Variants in SBF1 observed in about 807,000 individuals in gnomAD.
SBF1 encodes the protein SET binding factor 1.
Under a neutral mutation model 215.8 loss-of-function variants are expected in SBF1, and 65 were observed. The observed-to-expected ratio is 0.30, with a 90% confidence interval of 0.25 to 0.37. SBF1 has a LOEUF of 0.37. Among genes scored for constraint, SBF1 ranks in the 10% least tolerant of loss-of-function variants. The pLI is 1.00. For missense variants in SBF1, 2,634 were observed against 2,667.8 expected (o/e 0.99, Z 0.28); for synonymous variants, 1,410 against 1,122.8 (o/e 1.26, Z -5.11).
intron 5 of SBF1, chr22:50,467,124 T>C (rs1603434211): frequency 6.8e-6 from 4 of 586,376 alleles, no homozygotes; most frequent in Admixed American, 3.1e-5. Flanking sequence ...ATCAAAGGAG[T>C]GGACAGAGAG....
At position 50,466,274 on chromosome 22, in the gene SBF1, A is replaced by G. The variant is rs1361076684; in HGVS notation, c.789-16T>C. The G allele has an allele frequency of 1.2e-6, 2 of 1,613,332 alleles. No individual in the cohort carries two copies. The highest frequency in any genetic ancestry group is 1.7e-6 in the Non-Finnish European group (2 of 1,179,926). On this transcript the variant is annotated splice_polypyrimidine_tract_variant and intron_variant, in intron 7 of 40. Transcript: ENST00000380817. ...ATAGGTGAAGCTGTGCAGGCCCCAGAGGATGCAGTGAGCCAGGGGACGCGG... is the reference window on the plus strand; with the variant it reads ...ATAGGTGAAGCTGTGCAGGCCCCAGGGGATGCAGTGAGCCAGGGGACGCGG...
chr22:50,451,374 G>C (rs533723271), intron 36 of SBF1, among the ~76,000 whole-genome samples: 6 of 152,086 alleles, frequency 3.9e-5, no homozygotes, highest in Admixed American at 6.6e-5. Flanking sequence ...CATTTGATGG[G>C]CTTCAGTATA....
Position 50,446,979 on chromosome 22 carries a change from C to T in SBF1, c.*163G>A, listed in dbSNP as rs373336150. On this transcript the variant is annotated 3_prime_UTR_variant, in exon 41 of 41. Coordinates refer to ENST00000380817, the MANE Select transcript of SBF1 (RefSeq NM_002972.4). ...GACGCCAAAATAAGTTAGGGCCGGC[C>T]GGGCGGGGCGGGGCGGGGACGGGGG... 3.5e-5 allele frequency: 25 copies of T among 720,716 alleles called. No individual in the cohort carries two copies. The highest frequency in any genetic ancestry group is 1.7e-4 in the East Asian group (6 of 36,272). 44.6% of individuals were successfully genotyped at this position (720,716 alleles called of 1,614,324 possible). A position where few individuals can be genotyped will look rare whatever the true frequency, so the allele number is the denominator to read the frequency against.
chr22:50,447,451 C>T lies in SBF1; in HGVS notation c.5454G>A (p.Leu1818=). Residue 1818 remains leucine (L), a splice_region_variant and synonymous_variant, in exon 40 of 41, where the codon CTG becomes CTA. Coordinates refer to ENST00000380817, the MANE Select transcript of SBF1 (RefSeq NM_002972.4). The part of the protein sequence containing the change: ...WFVLDKTKHQ[L]RYYDHRVDTE... Reference sequence around the variant, plus strand: ...TGTCCACACGGTGGTCGTAGTAGCGCAGCTGGAGGAGGCCACAGAGTCAGC... The same window carrying T: ...TGTCCACACGGTGGTCGTAGTAGCGTAGCTGGAGGAGGCCACAGAGTCAGC... 1 of 1,607,602 alleles carries T rather than the reference C, an allele frequency of 6.2e-7. No individual in the cohort carries two copies. Among genetic ancestry groups the T allele is most frequent in the South Asian group, 1.1e-5 (1 of 90,864 alleles).
Position 50,461,787 on chromosome 22 carries a change from C to G in SBF1, c.2643+9G>C, listed in dbSNP as rs1414651361. The G allele has an allele frequency of 6.2e-7, 1 of 1,612,798 alleles. No individual in the cohort carries two copies. The highest frequency in any genetic ancestry group is 8.5e-7 in the Non-Finnish European group (1 of 1,179,774). ...TTGGGCCCCCGCAGCCCCAACGGCC[C>G]CCGCAAACCTTCTGGATGGGCGGCA... On this transcript the variant is annotated intron_variant, in intron 21 of 40. Coordinates refer to ENST00000380817, the MANE Select transcript of SBF1 (RefSeq NM_002972.4).
chr22:50,465,623 C>T (rs1447378369), intron 10 of SBF1, 140 bp downstream of exon 10: 17 of 815,546 alleles, frequency 2.1e-5, no homozygotes, highest in Non-Finnish European at 3.3e-5. Flanking sequence ...CTGGCAGCTG[C>T]TTTGCTCCCA....
chr22:50,445,309 C>G lies in SBF1; in HGVS notation c.*1833G>C, dbSNP rs927522964. The G allele has an allele frequency of 1.2e-4, 18 of 151,786 alleles. No individual in the cohort carries two copies. The highest frequency in any genetic ancestry group is 3.2e-4 in the African/African-American group (13 of 40,886). The allele number at this position is 151,786 out of a possible 1,614,324, so 9.4% of individuals were successfully genotyped here. ...GGGGGGAACCACTTCGCCTAACGCT[C>G]AAACACATCAACCCCAGGACTTCCT... On this transcript the variant is annotated 3_prime_UTR_variant, in exon 41 of 41. Transcript: ENST00000380817.
chr22:50,456,323 C>A lies in SBF1; in HGVS notation c.4159G>T (p.Ala1387Ser). Residue 1387 changes from alanine (A) to serine (S), a missense_variant, in exon 31 of 41, where the codon GCT (alanine) becomes TCT (serine). By Grantham distance (99) the Ala-to-Ser change is moderately conservative. Transcript: ENST00000380817. ...GCTTTCAGCAGCTTCTTGAAGCTAG[C>A]CTTCACCTGCCGTGCCTCGAATACC... ...IEVFEARQVK[A>S]SFKKLLKACV... 2 of 1,613,028 alleles carry A rather than the reference C, an allele frequency of 1.2e-6. No individual in the cohort carries two copies. The highest frequency in any genetic ancestry group is 1.7e-6 in the Non-Finnish European group (2 of 1,180,000).
In SBF1 at chr22:50,447,366, T is replaced by G; in HGVS notation, c.5539A>C (p.Thr1847Pro). ...EVEAVAPGTP[T>P]MGAPKTVDEK... ...TCCACAGTCTTAGGGGCACCCATAG[T>G]GGGCGTGCCAGGTGCCACAGCCTCC... The change falls in exon 40 of 41, where the codon ACT becomes CCT. Residue 1847 changes from threonine (T) to proline (P), a missense_variant. Coordinates refer to ENST00000380817, the MANE Select transcript of SBF1 (RefSeq NM_002972.4). 6.2e-7 allele frequency: 1 copy of G among 1,613,860 alleles called. No individual in the cohort carries two copies. Among genetic ancestry groups the G allele is most frequent in the Non-Finnish European group, 8.5e-7 (1 of 1,179,966 alleles).
intron 1 of SBF1, among the ~76,000 whole-genome samples, chr22:50,469,292 G>A (rs565884479): frequency 2.5e-4 from 38 of 152,366 alleles, no homozygotes; most frequent in South Asian, 6.2e-4. Context: ...CACAGCCTAA[G>A]CTCCCCTGGG....
intron 1 of SBF1, among the ~76,000 whole-genome samples, chr22:50,473,971 G>A (rs2068083522): frequency 1.3e-5 from 2 of 152,240 alleles, no homozygotes; most frequent in South Asian, 2.1e-4. Flanking sequence ...GGGCTGTGCG[G>A]GGCCTGGCAC....
At chr22:50,453,021 A>G (rs1054351502) in intron 36 of SBF1, among the ~76,000 whole-genome samples, 11 of 152,188 alleles carry the variant, frequency 7.2e-5, no homozygotes, top group African/African-American at 2.7e-4. Flanking sequence ...CAAAGAGAAA[A>G]CAAAGAGCAA....
rs2067747564 is a variant in SBF1 at position 50,466,249 on chromosome 22, A to G, written c.798T>C (p.Tyr266=). ...LLFPLRYSFT[Y]VPILPAQLLE... Reference sequence around the variant, plus strand: ...GCAGCTGAGCCGGCAGGATGGGCACATAGGTGAAGCTGTGCAGGCCCCAGA... The same window carrying G: ...GCAGCTGAGCCGGCAGGATGGGCACGTAGGTGAAGCTGTGCAGGCCCCAGA... The change falls in exon 8 of 41, where the codon TAT becomes TAC. Residue 266 remains tyrosine (Y), a synonymous_variant. Coordinates refer to ENST00000380817, the MANE Select transcript of SBF1 (RefSeq NM_002972.4). 6.2e-7 allele frequency: 1 copy of G among 1,613,512 alleles called. No homozygotes were observed. Among genetic ancestry groups the G allele is most frequent in the Non-Finnish European group, 8.5e-7 (1 of 1,180,026 alleles).
intron 38 of SBF1, 75 bp from the exon 39 acceptor site, chr22:50,447,684 C>A (rs556006802): frequency 2.0e-5 from 21 of 1,074,654 alleles, no homozygotes; most frequent in African/African-American, 7.8e-5. Context: ...AGTCGTCCCC[C>A]CCTTGCTGTC....
chr22:50,461,700 G>T lies in SBF1; in HGVS notation c.2662C>A (p.Arg888Ser), dbSNP rs770341256. ...ACACACTCCTCACCCGGCAGCAGGC[G>T]CGGCCGCAGCAGCTTGGGCTGCTCG... ...PIQKPKLLRPRLLPGEECVLD... is the reference protein window; with the variant it reads ...PIQKPKLLRPSLLPGEECVLD... Residue 888 changes from arginine (R) to serine (S), a missense_variant, in exon 22 of 41, where the codon CGC becomes AGC. Transcript: ENST00000380817. 1 of 1,609,524 alleles carries T rather than the reference G, an allele frequency of 6.2e-7. No individual in the cohort carries two copies. The highest frequency in any genetic ancestry group is 8.5e-7 in the Non-Finnish European group (1 of 1,178,908).
rs535304513 is a variant in SBF1 at position 50,455,229 on chromosome 22, G to A, written c.4549C>T (p.His1517Tyr). The part of the protein sequence containing the change: ...PVFLQFLDCV[H>Y]QVHLQFPMEF... ...CCACACAGCGGCCTGCCCACCTGGT[G>A]TACGCAGTCCAGGAACTGCAGGAAG... is the stretch of plus-strand genomic sequence containing the variant. Residue 1517 changes from histidine (H) to tyrosine (Y), a missense_variant, in exon 33 of 41, where the codon CAC becomes TAC. Transcript: ENST00000380817. 36 of 1,612,874 alleles carry A rather than the reference G, an allele frequency of 2.2e-5. No individual in the cohort carries two copies. The Admixed American group carries it at 5.3e-4, about 24-fold the overall frequency.
In SBF1 at chr22:50,466,130, A is replaced by G; in HGVS notation, c.897+20T>C. The G allele has an allele frequency of 6.2e-7, 1 of 1,613,202 alleles. No homozygotes were observed. Among genetic ancestry groups the G allele is most frequent in the Non-Finnish European group, 8.5e-7 (1 of 1,179,650 alleles). On this transcript the variant is annotated intron_variant, in intron 8 of 40. Transcript: ENST00000380817. ...CCTGCAGGCCTGGGCCGTGAGGTGG[A>G]CACAAAGCACAGCCCTTACCAGCTC...
intron 15 of SBF1, among the ~76,000 whole-genome samples, 196 bp from the exon 16 acceptor site, chr22:50,463,628 C>T (rs972522316): frequency 2.6e-5 from 4 of 152,236 alleles, no homozygotes; most frequent in Admixed American, 6.5e-5. Flanking sequence ...GTTCACCAGG[C>T]CAGACACAAG....
chr22:50,470,352 G>T (rs1162871439), intron 1 of SBF1, among the ~76,000 whole-genome samples: 1 of 152,154 alleles, frequency 6.6e-6, no homozygotes, highest in Non-Finnish European at 1.5e-5. Context: ...AGAGTGGCAG[G>T]TCACCATCTA....
Sources: gnomAD v4.1 joint callset for allele counts (sites outside exome capture counted in the v4.1 genomes callset) on GRCh38, gnomAD v4.1.1 for gene constraint, MANE v1.5 for transcripts, NCBI Gene and HGNC (gene_info 2026-07-23, HGNC 2026-07-21) for gene names.